GPA33: variants seen among roughly 807,000 people sequenced by gnomAD.
GPA33 encodes the protein cell surface A33 antigen.
In GPA33, 27 loss-of-function variants were observed where a neutral mutation model predicts 35.6. That is an observed-to-expected ratio of 0.76 (90% CI 0.56 to 1.04). GPA33 has a LOEUF of 1.04. Ranked by LOEUF, GPA33 falls within the 50% of genes least tolerant of loss-of-function variation. The pLI, the probability that GPA33 is intolerant of heterozygous loss-of-function variation, is 0.00. For missense variants in GPA33, 428 were observed against 411.9 expected (o/e 1.04, Z -0.34); for synonymous variants, 176 against 164.0 (o/e 1.07, Z -0.56).
intron 1 of GPA33, among the ~76,000 whole-genome samples, chr1:167,076,371 G>A (rs916986666): frequency 4.6e-5 from 7 of 152,014 alleles, no homozygotes; most frequent in Non-Finnish European, 7.4e-5. Context: ...TAGATTTGGT[G>A]GTAGAAGGGT....
Position 167,054,451 on chromosome 1 carries a change from A to G in GPA33, c.843T>C (p.Tyr281=), listed in dbSNP as rs369408073. 1.9e-6 allele frequency: 3 copies of G among 1,613,760 alleles called. No homozygotes were observed. In the African/African-American group the frequency reaches 4.0e-5, roughly 22 times the overall value. The change falls in exon 7 of 7, where the codon TAT becomes TAC. Residue 281 remains tyrosine (Y), a synonymous_variant. Coordinates refer to ENST00000367868, the MANE Select transcript of GPA33 (RefSeq NM_005814.3). ...CTCTTAGCTGCTCTGGTGGCTCCTC[A>G]TAGGCTTCCCGGTTCCTGCAGGGCA... ...KEDARPNREA[Y]EEPPEQLREL...
Position 167,069,099 on chromosome 1 carries a change from T to G in GPA33, c.238A>C (p.Ile80Leu). The change falls in exon 3 of 7, where the codon ATC becomes CTC. Residue 80 changes from isoleucine to leucine, a missense_variant. Physicochemically the swap from Ile to Leu is conservative, Grantham distance 5. Coordinates refer to ENST00000367868, the MANE Select transcript of GPA33 (RefSeq NM_005814.3). ...VIWPFSNKNYIHGELYKNRVS... is the reference protein window; with the variant it reads ...VIWPFSNKNYLHGELYKNRVS... ...CGATTCTTATAAAGCTCACCATGGA[T>G]GTAGTTTTTGTTTGAAAACGGCCAG... 2.5e-6 allele frequency: 4 copies of G among 1,614,026 alleles called. No homozygotes were observed. Among genetic ancestry groups the G allele is most frequent in the Non-Finnish European group, 3.4e-6 (4 of 1,179,944 alleles).
chr1:167,066,432 A>G (rs553299845), intron 3 of GPA33, among the ~76,000 whole-genome samples: 1 of 152,126 alleles, frequency 6.6e-6, no homozygotes, highest in South Asian at 2.1e-4. Flanking sequence ...GTGACCAGCC[A>G]CTCCCAAAGA....
intron 4 of GPA33, among the ~76,000 whole-genome samples, chr1:167,060,929 C>T (rs1190731264): frequency 6.6e-6 from 1 of 152,244 alleles, no homozygotes; most frequent in Non-Finnish European, 1.5e-5. Flanking sequence ...GCCAAGCCTC[C>T]TCATCCTTGA....
intron 6 of GPA33, 46 bp downstream of exon 6, chr1:167,054,930 C>T: frequency 6.2e-7 from 1 of 1,603,446 alleles, no homozygotes; most frequent in Non-Finnish European, 8.5e-7. Flanking sequence ...AGCATATTTC[C>T]AGTCTCCCCA....
chr1:167,068,208 G>A (rs1248188454), intron 3 of GPA33, among the ~76,000 whole-genome samples: 1 of 152,138 alleles, frequency 6.6e-6, no homozygotes, highest in African/African-American at 2.4e-5. Context: ...CTACCTCCCA[G>A]CAGTGGTGCC....
At chr1:167,069,441 G>A (rs369299980) in intron 2 of GPA33, among the ~76,000 whole-genome samples, 4 of 152,108 alleles carry the variant, frequency 2.6e-5, no homozygotes, top group South Asian at 2.1e-4. Flanking sequence ...TGTAATCTCC[G>A]GCATCTCTCT....
chr1:167,060,451 A>G (rs762390856), intron 4 of GPA33, among the ~76,000 whole-genome samples: 1 of 152,144 alleles, frequency 6.6e-6, no homozygotes, highest in Non-Finnish European at 1.5e-5. Flanking sequence ...TCACCCCGCA[A>G]TGTCTCCAGA....
At chr1:167,081,212 G>T (rs768317617) in intron 1 of GPA33, among the ~76,000 whole-genome samples, 6 of 152,230 alleles carry the variant, frequency 3.9e-5, no homozygotes, top group Non-Finnish European at 7.3e-5. Context: ...GGTGGCTTGA[G>T]GCATACATAG....
At chr1:167,066,699 T>TG (rs1666598995) in intron 3 of GPA33, among the ~76,000 whole-genome samples, 1 of 152,200 alleles carries the variant, frequency 6.6e-6, no homozygotes, top group Non-Finnish European at 1.5e-5. Context: ...ATGCAGATGT[T>TG]ACCTGAATAT....
At chr1:167,069,971 C>T (rs1305036170) in intron 2 of GPA33, among the ~76,000 whole-genome samples, 5 of 152,186 alleles carry the variant, frequency 3.3e-5, no homozygotes, top group Admixed American at 1.3e-4. Flanking sequence ...AAGTGATAGA[C>T]AACCAAACCT....
At chr1:167,062,562 G>C (rs1293262275) in intron 4 of GPA33, among the ~76,000 whole-genome samples, 1 of 151,580 alleles carries the variant, frequency 6.6e-6, no homozygotes, top group East Asian at 1.9e-4. Context: ...GGTGGCACTA[G>C]GGGCCCTGGG....
intron 1 of GPA33, among the ~76,000 whole-genome samples, chr1:167,081,821 T>C (rs1270025346): frequency 1.3e-5 from 2 of 152,214 alleles, no homozygotes; most frequent in Non-Finnish European, 2.9e-5. Context: ...GTCTCAGGCT[T>C]CTCTTATATC....
rs990293521 is a variant in GPA33, at chr1:167,053,318, G to A, written c.*1016C>T. 5 of 152,264 alleles carry A rather than the reference G, an allele frequency of 3.3e-5. No homozygotes were observed. Among genetic ancestry groups the A allele is most frequent in the African/African-American group, 7.2e-5 (3 of 41,474 alleles). 9.4% of individuals were successfully genotyped at this position (152,264 alleles called of 1,614,324 possible). On this transcript the variant is annotated 3_prime_UTR_variant, in exon 7 of 7. Transcript: ENST00000367868. The stretch of plus-strand genomic sequence containing the variant: ...GTGTGTGTTCACTTTAAATCAATTC[G>A]TGTTTAACTCACTGAATGAATACGT...
rs1000921590 is a variant in GPA33, at chr1:167,073,509, T to G, written c.74A>C (p.Glu25Ala). 5 of 1,613,832 alleles carry G rather than the reference T, an allele frequency of 3.1e-6. No homozygotes were observed. In the African/African-American group the frequency reaches 5.3e-5, roughly 17 times the overall value. The change falls in exon 2 of 7, where the codon GAA (glutamate) becomes GCA (alanine). Residue 25 changes from glutamate to alanine, a missense_variant. Physicochemically the swap from Glu to Ala is moderately radical, Grantham distance 107. Transcript: ENST00000367868. The stretch of plus-strand genomic sequence containing the variant: ...AGCCCGAAGAACGTCCTGCGGAGTT[T>G]CCACAGAGATGGCATCGACGGTCAC... ...VRVTVDAISV[E>A]TPQDVLRASQ...
chr1:167,054,387 G>T lies in GPA33; in HGVS notation c.907C>A (p.Gln303Lys), dbSNP rs1358539932. The T allele has an allele frequency of 6.2e-7, 1 of 1,613,994 alleles. No homozygotes were observed. Among genetic ancestry groups the T allele is most frequent in the African/African-American group, 1.3e-5 (1 of 74,902 alleles). ...CGCCCAGTGCTCCTCTGCTCTTCTT[G>T]CCTGTAGTCATCCTCCTCCTCCCTC... is the stretch of plus-strand genomic sequence containing the variant. ...REREEEDDYR[Q>K]EEQRSTGRES... Residue 303 changes from glutamine (Q) to lysine (K), a missense_variant, in exon 7 of 7, where the codon CAA becomes AAA. Gln to Lys is a moderately conservative substitution (Grantham distance 53, BLOSUM62 1). Transcript: ENST00000367868.
In GPA33 at chr1:167,057,808, G is replaced by A. The variant is rs376481243; in HGVS notation, c.572-1959C>T. On this transcript the variant is annotated intron_variant, in intron 4 of 6. Transcript: ENST00000367868. ...TTAACTGGAGGCTTAAAGAAGTTAAGTGAACTGCTCAAGGTCACAAAATTA... is the reference window on the plus strand; with the variant it reads ...TTAACTGGAGGCTTAAAGAAGTTAAATGAACTGCTCAAGGTCACAAAATTA... 2.6e-5 allele frequency among the ~76,000 whole-genome samples: 4 copies of A among 152,170 alleles called. No homozygotes were observed. In the East Asian group the frequency reaches 7.7e-4, roughly 29 times the overall value.
At chr1:167,056,839 G>GGGGGC (rs1491436728) in intron 4 of GPA33, among the ~76,000 whole-genome samples, 3 of 13,706 alleles carry the variant, frequency 2.2e-4, no homozygotes, top group Middle Eastern at 0.022. Context: ...TGTGTGTGGT[G>GGGGGC]AGTGTGTAAT....
chr1:167,056,692 G>GT (rs1558001847), intron 4 of GPA33, among the ~76,000 whole-genome samples: 17 of 1,712 alleles, frequency 9.9e-3, no homozygotes, highest in East Asian at 0.054. Context: ...GGTGTGTGGT[G>GT]GGTGTGTGGT....
Sources: gnomAD v4.1 joint callset for allele counts (sites outside exome capture counted in the v4.1 genomes callset) on GRCh38, gnomAD v4.1.1 for gene constraint, MANE v1.5 for transcripts, NCBI Gene and HGNC (gene_info 2026-07-23, HGNC 2026-07-21) for gene names.